The following APBB1IP variants were observed in gnomAD, a reference collection of about 807,000 sequenced individuals.
APBB1IP encodes the protein amyloid beta precursor protein binding family B member 1 interacting protein.
In APBB1IP, 27 loss-of-function variants were observed where a neutral mutation model predicts 64.9. The observed-to-expected ratio is 0.42, with a 90% CI of 0.31 to 0.57. The LOEUF (loss-of-function observed/expected upper bound fraction) is 0.57. Ranked by LOEUF, APBB1IP falls within the 20% of genes least tolerant of loss-of-function variation. The pLI is 0.20. For synonymous variants in APBB1IP, 392 were observed against 331.0 expected (o/e 1.18, Z -2.00); for missense variants, 812 against 845.5 (o/e 0.96, Z 0.49).
Position 26,566,279 on chromosome 10 carries a change from T to C in APBB1IP, c.1474-682T>C, listed in dbSNP as rs142676663. On this transcript the variant is annotated intron_variant, in intron 14 of 14. Coordinates refer to ENST00000376236, the MANE Select transcript of APBB1IP (RefSeq NM_019043.4). ...AAAAATATATATAGAGAGAGAGACA[T>C]AGTCTCGTTGTGTTGCCCAGGCTGG... 1.8e-3 allele frequency among the ~76,000 whole-genome samples: 269 copies of C among 152,234 alleles called. 2 individuals are homozygous for C. Among genetic ancestry groups the C allele is most frequent in the African/African-American group, 6.3e-3 (260 of 41,540 alleles).
At chr10:26,485,744 A>G (rs1206219736) in intron 2 of APBB1IP, among the ~76,000 whole-genome samples, 1 of 152,222 alleles carries the variant, frequency 6.6e-6, no homozygotes, top group Non-Finnish European at 1.5e-5. Flanking sequence ...ATTTACTGAC[A>G]TGTTTACCAA....
intron 11 of APBB1IP, among the ~76,000 whole-genome samples, chr10:26,556,954 T>C (rs552738923): frequency 2.6e-5 from 4 of 152,328 alleles, no homozygotes; most frequent in South Asian, 4.1e-4. Flanking sequence ...TTGGTTTGGC[T>C]TTGCACATGT....
intron 2 of APBB1IP, among the ~76,000 whole-genome samples, chr10:26,450,390 A>G (rs543926939): frequency 2.0e-3 from 309 of 152,126 alleles, no homozygotes; most frequent in Admixed American, 3.7e-3. Flanking sequence ...TTTGAAAAGA[A>G]CTCAAGTATT....
intron 5 of APBB1IP, chr10:26,501,368 T>C (rs1490279263): frequency 1.8e-6 from 1 of 548,216 alleles, no homozygotes; most frequent in Non-Finnish European, 3.2e-6. Flanking sequence ...GCAAAAACTA[T>C]TTGATAAAAC....
chr10:26,500,993 A>G lies in APBB1IP; in HGVS notation c.335A>G (p.Tyr112Cys). 1 of 1,614,204 alleles carries G rather than the reference A, an allele frequency of 6.2e-7. No individual in the cohort carries two copies. Among genetic ancestry groups the G allele is most frequent in the Non-Finnish European group, 8.5e-7 (1 of 1,180,030 alleles). Reference sequence around the variant, plus strand: ...TTCAGTGGTGCAGCCTCTCTTGGTTATGGAACAAATGTTGCTGCCACTGGT... The same window carrying G: ...TTCAGTGGTGCAGCCTCTCTTGGTTGTGGAACAAATGTTGCTGCCACTGGT... ...SIFSGAASLG[Y>C]GTNVAATGIS... Residue 112 changes from tyrosine to cysteine, a missense_variant, in exon 5 of 15, where the codon TAT becomes TGT. Tyr to Cys is a radical substitution (Grantham distance 194). This residue lies in a region of APBB1IP where 394 missense variants were observed against 413.1 expected (regional missense o/e 0.95). Transcript: ENST00000376236.
intron 2 of APBB1IP, among the ~76,000 whole-genome samples, chr10:26,463,451 A>T (rs1537751): frequency 0.37 from 55,684 of 151,638 alleles, 10,216 homozygotes; most frequent in South Asian, 0.5. Flanking sequence ...AAAATTTTTA[A>T]AAAAATGTAA....
chr10:26,448,208 A>C (rs574766782), intron 2 of APBB1IP, among the ~76,000 whole-genome samples: 1 of 151,532 alleles, frequency 6.6e-6, no homozygotes, highest in Non-Finnish European at 1.5e-5. Flanking sequence ...AGATTATTTC[A>C]TTTTTTTAAT....
chr10:26,539,200 C>T (rs12243111), intron 10 of APBB1IP, among the ~76,000 whole-genome samples: 8,426 of 151,932 alleles, frequency 0.055, 523 homozygotes, highest in African/African-American at 0.15. Flanking sequence ...AGCTTGAGCC[C>T]AAGAGTTCAA....
In APBB1IP at chr10:26,500,742, T is replaced by G. The variant is rs1836086203; in HGVS notation, c.161-77T>G. 1.5e-5 allele frequency: 21 copies of G among 1,361,358 alleles called. No homozygotes were observed. The South Asian group carries it at 2.9e-4, about 19-fold the overall frequency. The allele number at this position is 1,361,358 out of a possible 1,614,324, so 84.3% of individuals were successfully genotyped here. A position where few individuals can be genotyped will look rare whatever the true frequency, so the allele number is the denominator to read the frequency against. ...ATGATTCCTTTCTACTCAAATATTA[T>G]GCTTAAAAATTATCTTCTTTCAGTT... On this transcript the variant is annotated intron_variant, in intron 4 of 14. Transcript: ENST00000376236.
chr10:26,481,714 C>T (rs1485586813), intron 2 of APBB1IP, among the ~76,000 whole-genome samples: 2 of 151,932 alleles, frequency 1.3e-5, no homozygotes, highest in African/African-American at 4.8e-5. Flanking sequence ...TTTTGAACTC[C>T]TGGCCTCAAG....
intron 6 of APBB1IP, among the ~76,000 whole-genome samples, chr10:26,511,478 C>T (rs1292111723): frequency 6.6e-6 from 1 of 152,172 alleles, no homozygotes; most frequent in Non-Finnish European, 1.5e-5. Flanking sequence ...CTGTTGTTTT[C>T]TGTCTCTCCC....
At position 26,564,804 on chromosome 10, in the gene APBB1IP, AAAAAATAAAAAT is replaced by A. The variant is rs200555047; in HGVS notation, c.1474-2140_1474-2129del. Among the ~76,000 whole-genome samples the A allele has an allele frequency of 1.5e-4, 23 of 152,122 alleles. No homozygotes were observed. The East Asian group carries it at 2.7e-3, about 18-fold the overall frequency. On this transcript the variant is annotated intron_variant, in intron 14 of 14. Transcript: ENST00000376236. ...GGTGACAGAACGAGACTCTGCCTCAAAAAAATAAAAATAAAAATAAAAATAAAATAAAATAAA... is the reference window on the plus strand; with the variant it reads ...GGTGACAGAACGAGACTCTGCCTCAAAAAAATAAAAATAAAATAAAATAAA...
chr10:26,555,760 G>C (rs1413384337), intron 11 of APBB1IP, among the ~76,000 whole-genome samples: 2 of 152,180 alleles, frequency 1.3e-5, no homozygotes, highest in East Asian at 3.9e-4. Context: ...CACAACACCT[G>C]GTTAATTTTT....
chr10:26,567,152 G>T lies in APBB1IP; in HGVS notation c.1665G>T (p.Pro555=). The T allele has an allele frequency of 7.1e-7, 1 of 1,415,250 alleles. No homozygotes were observed. Among genetic ancestry groups the T allele is most frequent in the Non-Finnish European group, 9.1e-7 (1 of 1,093,186 alleles). The allele number at this position is 1,415,250 out of a possible 1,614,324, so 87.7% of individuals were successfully genotyped here. A position where few individuals can be genotyped will look rare whatever the true frequency, so the allele number is the denominator to read the frequency against. ...GLPAPPDDFL[P]PPPPPPPLDD... is the part of the protein sequence containing the mutation. ...CCGCCCCACCCGACGACTTCCTGCC[G>T]CCGCCGCCACCGCCGCCGCCCCTCG... Residue 555 remains proline (P), a synonymous_variant, in exon 15 of 15, where the codon CCG becomes CCT. Transcript: ENST00000376236.
chr10:26,553,250 G>A (rs1836855343), intron 11 of APBB1IP, among the ~76,000 whole-genome samples: 1 of 152,044 alleles, frequency 6.6e-6, no homozygotes, highest in Non-Finnish European at 1.5e-5. Context: ...TCGAACCCCT[G>A]ACCTCATGAT....
At chr10:26,555,524 A>T (rs1412781941) in intron 11 of APBB1IP, among the ~76,000 whole-genome samples, 1 of 152,148 alleles carries the variant, frequency 6.6e-6, no homozygotes, top group Non-Finnish European at 1.5e-5. Flanking sequence ...TCAGGTGTTT[A>T]CATACATCTC....
At chr10:26,443,847 T>C (rs1835363381) in intron 2 of APBB1IP, among the ~76,000 whole-genome samples, 1 of 152,118 alleles carries the variant, frequency 6.6e-6, no homozygotes. Flanking sequence ...AGATCTCCAG[T>C]TTAAATACAA....
At chr10:26,440,199 A>G (rs139462174) in intron 2 of APBB1IP, among the ~76,000 whole-genome samples, 110 of 152,264 alleles carry the variant, frequency 7.2e-4, no homozygotes, top group Non-Finnish European at 1.2e-3. Context: ...CCCCATCTAG[A>G]TAAGGATGAT....
chr10:26,562,940 T>A (rs938699194), intron 14 of APBB1IP, among the ~76,000 whole-genome samples: 4 of 152,214 alleles, frequency 2.6e-5, no homozygotes, highest in South Asian at 2.1e-4. Context: ...CCAGCTATCA[T>A]CACACTGCTT....
Sources: allele counts gnomAD v4.1 joint callset (sites outside exome capture counted in the v4.1 genomes callset), GRCh38; gene constraint gnomAD v4.1.1; regional missense constraint gnomAD v4.1.1; transcripts MANE v1.5; gene names NCBI Gene and HGNC (gene_info 2026-07-23, HGNC 2026-07-21).